Variants in SRI observed in about 807,000 individuals in gnomAD.
SRI encodes 22 kDa protein.
A neutral mutation model predicts 33.3 loss-of-function variants in SRI; 30 were observed. The ratio of observed to expected loss-of-function variants is 0.90; its 90% CI spans 0.67 to 1.22. The LOEUF (loss-of-function observed/expected upper bound fraction) is 1.22. SRI is among the 50% of genes most tolerant of loss of function. The pLI is 0.00. For synonymous variants in SRI, 75 were observed against 89.9 expected, an observed-to-expected ratio of 0.83 and a Z score of 0.94; for missense variants, 243 against 250.8, an observed-to-expected ratio of 0.97 and a Z score of 0.21.
upstream of SRI, among the ~76,000 whole-genome samples, chr7:88,222,787 G>A (rs1424360062): frequency 6.6e-6 from 1 of 152,168 alleles, no homozygotes; most frequent in Non-Finnish European, 1.5e-5. Flanking sequence ...TGGGAAAACA[G>A]GCTAGCCATA....
chr7:88,218,454 T>TA (rs1434646686), intron 2 of SRI, among the ~76,000 whole-genome samples: 3 of 152,240 alleles, frequency 2.0e-5, no homozygotes, highest in African/African-American at 7.2e-5. Context: ...GGTGGGTTTT[T>TA]ACCATATTTC....
intron 1 of SRI, among the ~76,000 whole-genome samples, chr7:88,225,919 G>A (rs1052017129): frequency 6.6e-6 from 1 of 152,140 alleles, no homozygotes; most frequent in Admixed American, 6.5e-5. Flanking sequence ...ATGGCTAAAG[G>A]GGTAGCTAAA....
intron 1 of SRI, chr7:88,219,602 T>A (rs987258400): frequency 2.9e-5 from 8 of 271,324 alleles, no homozygotes; most frequent in African/African-American, 1.1e-4. Flanking sequence ...TATATCATTC[T>A]AGAATAAAAT....
At chr7:88,217,082 CAA>C in intron 3 of SRI, 38 bp downstream of exon 3, 1 of 1,573,148 alleles carries the variant, frequency 6.4e-7, no homozygotes, top group Non-Finnish European at 8.8e-7. Context: ...ATAGGAAACA[CAA>C]GAGTATATTT....
chr7:88,211,167 C>T, intron 3 of SRI, among the ~76,000 whole-genome samples: 1 of 152,156 alleles, frequency 6.6e-6, no homozygotes, highest in East Asian at 1.9e-4. Context: ...AAAAGTATTA[C>T]ATAGTCCGGG....
chr7:88,214,385 TA>T (rs1252469659), intron 3 of SRI, among the ~76,000 whole-genome samples: 1 of 152,116 alleles, frequency 6.6e-6, no homozygotes, highest in Non-Finnish European at 1.5e-5. Flanking sequence ...AAGCTGTTAG[TA>T]AAGACTGAGG....
At chr7:88,218,747 A>T in intron 2 of SRI, 112 bp downstream of exon 2, 1 of 956,558 alleles carries the variant, frequency 1.0e-6, no homozygotes, top group Admixed American at 2.4e-5. Flanking sequence ...TTTCTTTTGC[A>T]GAAGCAAAGG....
intron 1 of SRI, chr7:88,219,575 T>C: frequency 4.7e-6 from 1 of 214,270 alleles, no homozygotes; most frequent in Non-Finnish European, 9.1e-6. Context: ...TTTGTTTGTT[T>C]TTTAAAGGGA....
At chr7:88,208,721 A>G (rs1304978847) in intron 6 of SRI, 156 bp from the exon 7 acceptor site, 4 of 1,093,450 alleles carry the variant, frequency 3.7e-6, no homozygotes, top group Non-Finnish European at 5.2e-6. Flanking sequence ...GAAGCCAACT[A>G]TATGAATAGT....
upstream of SRI, among the ~76,000 whole-genome samples, chr7:88,220,986 T>C (rs1851877142): frequency 6.6e-6 from 1 of 152,230 alleles, no homozygotes; most frequent in South Asian, 2.1e-4. Context: ...TTGTTTTGTT[T>C]TGTGTAATTT....
At position 88,205,500 on chromosome 7, in the gene SRI, TA is replaced by T; in HGVS notation, c.*977del. The T allele has an allele frequency of 6.6e-6, 1 of 152,320 alleles. No individual in the cohort carries two copies. Among genetic ancestry groups the T allele is most frequent in the East Asian group, 1.9e-4 (1 of 5,194 alleles). 9.4% of individuals were successfully genotyped at this position (152,320 alleles called of 1,614,324 possible). ...TGAAAGTGTACAGCTTAAAATTTTT[TA>T]AAAAATTCCTTCCATTATAAATGTA... On this transcript the variant is annotated 3_prime_UTR_variant, in exon 8 of 8. Transcript: ENST00000265729.
chr7:88,224,400 C>T (rs111717368), upstream of SRI, among the ~76,000 whole-genome samples: 458 of 152,302 alleles, frequency 3.0e-3, 2 homozygotes, highest in African/African-American at 0.011. Flanking sequence ...GTTGAATTAA[C>T]CATAGGTCTT....
chr7:88,219,880 C>T (rs892445063), intron 1 of SRI, 96 bp downstream of exon 1: 3 of 1,434,866 alleles, frequency 2.1e-6, no homozygotes, highest in Non-Finnish European at 2.8e-6. Flanking sequence ...GGTAGCCGCC[C>T]AGCAGCGCCT....
chr7:88,215,741 A>T (rs182736030), intron 3 of SRI, among the ~76,000 whole-genome samples: 342 of 140,098 alleles, frequency 2.4e-3, no homozygotes, highest in Non-Finnish European at 3.6e-3. Context: ...AATAGTTTTT[A>T]AAAAAAGGCC....
At chr7:88,222,113 A>T (rs1397477715), upstream of SRI, among the ~76,000 whole-genome samples, 4 of 134,810 alleles carry the variant, frequency 3.0e-5, no homozygotes, top group Non-Finnish European at 1.6e-5. Context: ...GTTGGTTCCA[A>T]GTCTTTGCTA....
At chr7:88,207,412 T>G (rs1473173471) in intron 7 of SRI, among the ~76,000 whole-genome samples, 1 of 152,234 alleles carries the variant, frequency 6.6e-6, no homozygotes, top group Non-Finnish European at 1.5e-5. Context: ...TACTTATAAC[T>G]GCAGCAGCTG....
chr7:88,207,132 G>A (rs545411849), intron 7 of SRI, among the ~76,000 whole-genome samples: 1 of 152,278 alleles, frequency 6.6e-6, no homozygotes, highest in South Asian at 2.1e-4. Flanking sequence ...ATTGTGCACT[G>A]CTAACCCTTG....
Position 88,205,664 on chromosome 7 carries a change from G to A in SRI, c.*814C>T, listed in dbSNP as rs532800694. On this transcript the variant is annotated 3_prime_UTR_variant, in exon 8 of 8. Transcript: ENST00000265729. ...CTCTGCTATGTGTATTTTTTAAAGT[G>A]TGAATACATGGTATATCAAAATGGA... is the stretch of plus-strand genomic sequence containing the variant. 1 of 152,292 alleles carries A rather than the reference G, an allele frequency of 6.6e-6. No homozygotes were observed. Among genetic ancestry groups the A allele is most frequent in the South Asian group, 2.1e-4 (1 of 4,826 alleles). The allele number at this position is 152,292 out of a possible 1,614,324, so 9.4% of individuals were successfully genotyped here.
chr7:88,218,398 C>T (rs1851785162), intron 2 of SRI, among the ~76,000 whole-genome samples: 1 of 152,196 alleles, frequency 6.6e-6, no homozygotes, highest in Admixed American at 6.5e-5. Context: ...ACAAGATTAA[C>T]TTTCTGATAC....
Sources: allele counts gnomAD v4.1 joint callset (sites outside exome capture counted in the v4.1 genomes callset), GRCh38; gene constraint gnomAD v4.1.1; transcripts MANE v1.5; gene names NCBI Gene and HGNC (gene_info 2026-07-23, HGNC 2026-07-21).